Variants in ZNF782 observed in about 807,000 individuals in gnomAD.
The protein encoded by ZNF782 is zinc finger protein 782.
Under a neutral mutation model 13.0 loss-of-function variants are expected in ZNF782, and 12 were observed. The ratio of observed to expected loss-of-function variants is 0.92; its 90% confidence interval spans 0.59 to 1.50. ZNF782 has a LOEUF of 1.50. Ranked by LOEUF, ZNF782 falls within the 40% of genes most tolerant of loss-of-function variation. The pLI, the probability that ZNF782 is intolerant of heterozygous loss-of-function variation, is 0.00. For missense variants in ZNF782, 770 were observed against 822.9 expected, an observed-to-expected ratio of 0.94 and a Z score of 0.79; for synonymous variants, 284 against 283.0, an observed-to-expected ratio of 1.00 and a Z score of -0.04.
chr9:96,867,762 C>T (rs904030116), intron 1 of ZNF782, among the ~76,000 whole-genome samples: 2 of 152,130 alleles, frequency 1.3e-5, no homozygotes, highest in African/African-American at 4.8e-5. Flanking sequence ...AAGAATGAGC[C>T]CTATATCATC....
the ZNF782 span, chr9:96,894,325 T>G: frequency 2.0e-5 from 3 of 151,920 alleles, no homozygotes; most frequent in African/African-American, 4.8e-5. Context: ...ACATGTACCC[T>G]AGAACTTAAA....
Position 96,818,915 on chromosome 9 carries a change from C to T in ZNF782, c.1108G>A (p.Glu370Lys). 1 of 1,614,228 alleles carries T rather than the reference C, an allele frequency of 6.2e-7. No homozygotes were observed. Among genetic ancestry groups the T allele is most frequent in the Non-Finnish European group, 8.5e-7 (1 of 1,180,042 alleles). The change falls in exon 6 of 6, where the codon GAA becomes AAA. Residue 370 changes from glutamate (E) to lysine (K), a missense_variant. Glu to Lys is a moderately conservative substitution (Grantham distance 56). Transcript: ENST00000481138. ...TTCATAGAGCAGGATTTCCCACATTCATTATACTCATAGGGTTTTGCCCTT... is the reference window on the plus strand; with the variant it reads ...TTCATAGAGCAGGATTTCCCACATTTATTATACTCATAGGGTTTTGCCCTT... ...HIRAKPYEYNECGKSCSMNSH... is the reference protein window; with the variant it reads ...HIRAKPYEYNKCGKSCSMNSH...
At chr9:96,845,147 C>T in intron 3 of ZNF782, 131 bp from the exon 4 acceptor site, 1 of 1,050,204 alleles carries the variant, frequency 9.5e-7, no homozygotes, top group Non-Finnish European at 1.4e-6. Flanking sequence ...TTATTAAGGC[C>T]CTAATTCTGC....
the ZNF782 span, among the ~76,000 whole-genome samples, chr9:96,915,134 T>A: frequency 3.8e-3 from 583 of 151,948 alleles, 7 homozygotes; most frequent in Non-Finnish European, 3.7e-3. Context: ...AACCTGATTC[T>A]ACCCCTTTTA....
At chr9:96,833,602 C>T (rs142105376) in intron 4 of ZNF782, among the ~76,000 whole-genome samples, 10 of 152,318 alleles carry the variant, frequency 6.6e-5, no homozygotes, top group South Asian at 2.1e-4. Flanking sequence ...TTATCACTGA[C>T]GATAACTTTG....
intron 1 of ZNF782, among the ~76,000 whole-genome samples, chr9:96,853,547 TAAAAG>T (rs2118829491): frequency 6.6e-6 from 1 of 152,232 alleles, no homozygotes; most frequent in Non-Finnish European, 1.5e-5. Context: ...ACATCAGACT[TAAAAG>T]AGAGACACCC....
chr9:96,895,312 GC>G, the ZNF782 span: 1 of 152,186 alleles, frequency 6.6e-6, no homozygotes, highest in Non-Finnish European at 1.5e-5. Flanking sequence ...GCATTAGCTA[GC>G]TGGTCATAGT....
rs1390719690 is a variant in ZNF782 at position 96,827,153 on chromosome 9, G to A, written c.171C>T (p.Ile57=). ...GATCTTCTCCTTGTTCCAATGTGAA[G>A]ATCAGTTCTGGTTTTGTAAAGCAGT... ...VGYCFTKPEL[I]FTLEQGEDPW... is the part of the protein sequence containing the mutation. Residue 57 remains isoleucine (I), a synonymous_variant, in exon 5 of 6, where the codon ATC becomes ATT. Transcript: ENST00000481138. The A allele has an allele frequency of 6.2e-7, 1 of 1,612,016 alleles. No individual in the cohort carries two copies. The highest frequency in any genetic ancestry group is 1.1e-5 in the South Asian group (1 of 90,726).
the ZNF782 span, chr9:96,888,202 TTAAAA>T: frequency 6.6e-6 from 1 of 151,328 alleles, no homozygotes; most frequent in East Asian, 1.9e-4. Flanking sequence ...ATGAAAAGCA[TTAAAA>T]TAAATGTACC....
the ZNF782 span, among the ~76,000 whole-genome samples, chr9:96,913,298 G>C: frequency 6.6e-5 from 10 of 152,116 alleles, no homozygotes; most frequent in South Asian, 1.2e-3. Context: ...CTGGGTGACA[G>C]AGTGAGACTC....
chr9:96,902,199 C>T, the ZNF782 span, among the ~76,000 whole-genome samples: 3 of 151,540 alleles, frequency 2.0e-5, no homozygotes, highest in Admixed American at 6.6e-5. Flanking sequence ...TTTGGGAGGC[C>T]GAGGCAGGCG....
chr9:96,910,631 C>G, the ZNF782 span, among the ~76,000 whole-genome samples: 1 of 149,656 alleles, frequency 6.7e-6, no homozygotes, highest in Non-Finnish European at 1.5e-5. Flanking sequence ...CAAGGCCCTG[C>G]TTTTTTTCTT....
chr9:96,859,721 C>G (rs764243411), intron 3 of ZNF782, among the ~76,000 whole-genome samples: 4 of 152,162 alleles, frequency 2.6e-5, no homozygotes, highest in Non-Finnish European at 5.9e-5. Flanking sequence ...AGGAGAGACT[C>G]CCTCTGCTTG....
chr9:96,854,989 T>G (rs886166053), upstream of ZNF782, among the ~76,000 whole-genome samples: 5 of 152,198 alleles, frequency 3.3e-5, no homozygotes, highest in African/African-American at 1.2e-4. Flanking sequence ...CTTTACAATT[T>G]TATACATTTT....
chr9:96,912,717 CG>C, the ZNF782 span, among the ~76,000 whole-genome samples: 1 of 150,876 alleles, frequency 6.6e-6, no homozygotes, highest in African/African-American at 2.4e-5. Flanking sequence ...TTAGTAGAGA[CG>C]GGGTTTCACC....
chr9:96,891,206 T>C, the ZNF782 span: 2 of 152,162 alleles, frequency 1.3e-5, no homozygotes, highest in Non-Finnish European at 2.9e-5. Context: ...AATGAATAAA[T>C]GGGATGTTTG....
chr9:96,872,352 G>A (rs1851838289), intron 1 of ZNF782, among the ~76,000 whole-genome samples: 1 of 152,076 alleles, frequency 6.6e-6, no homozygotes, highest in African/African-American at 2.4e-5. Context: ...TCAACGTGGT[G>A]AAACCTCATC....
intron 4 of ZNF782, among the ~76,000 whole-genome samples, chr9:96,834,538 T>C (rs1850922857): frequency 6.6e-6 from 1 of 152,106 alleles, no homozygotes; most frequent in South Asian, 2.1e-4. Flanking sequence ...ATTTAGAGAT[T>C]CCTCAGTTTC....
rs535754204 is a variant in ZNF782 at position 96,864,050 on chromosome 9, T to C, written c.-456-2447A>G. On this transcript the variant is annotated intron_variant, in intron 1 of 5. Coordinates refer to the ZNF782 transcript ENST00000498811. ...CATTATTGGTAAACAAATATATATATATGCATATGTACATATACACATACA... is the reference window on the plus strand; with the variant it reads ...CATTATTGGTAAACAAATATATATACATGCATATGTACATATACACATACA... 3.8e-3 allele frequency among the ~76,000 whole-genome samples: 580 copies of C among 150,960 alleles called. 7 individuals are homozygous for C. The highest frequency in any genetic ancestry group is 0.013 in the African/African-American group (548 of 41,248).
Sources: allele counts gnomAD v4.1 joint callset (sites outside exome capture counted in the v4.1 genomes callset), GRCh38; gene constraint gnomAD v4.1.1; transcripts MANE v1.5; gene names NCBI Gene and HGNC (gene_info 2026-07-23, HGNC 2026-07-21).